GGT5: variants seen among roughly 807,000 people sequenced by gnomAD.
GGT5 encodes the protein gamma-glutamyltransferase 5.
Under a neutral mutation model 58.1 loss-of-function variants are expected in GGT5, and 50 were observed. The ratio of observed to expected loss-of-function variants is 0.86; its 90% confidence interval spans 0.69 to 1.09. The LOEUF (loss-of-function observed/expected upper bound fraction) is 1.09, where lower values mean the gene tolerates loss of function less well. Ranked by LOEUF, GGT5 falls within the 50% of genes least tolerant of loss-of-function variation. The probability of loss-of-function intolerance (pLI) is 0.00; values close to 1 mark genes in which losing one functional copy is unlikely to be tolerated. For synonymous variants in GGT5, 370 were observed against 346.1 expected, an observed-to-expected ratio of 1.07 and a Z score of -0.77; for missense variants, 800 against 789.4, an observed-to-expected ratio of 1.01 and a Z score of -0.16.
Position 24,232,951 on chromosome 22 carries a change from G to A in GGT5, c.468C>T (p.Arg156=). 1 of 1,566,900 alleles carries A rather than the reference G, an allele frequency of 6.4e-7. No homozygotes were observed. Among genetic ancestry groups the A allele is most frequent in the East Asian group, 2.4e-5 (1 of 42,218 alleles). The change falls in exon 4 of 12, where the codon CGC becomes CGT. Residue 156 remains arginine, a synonymous_variant. Coordinates refer to ENST00000327365, the MANE Select transcript of GGT5 (RefSeq NM_004121.5). ...GYAEAHRRHG[R]LPWAQLFQPT... ...GCTGGAACAGCTGCGCCCAGGGCAG[G>A]CGGCCATGGCGGCGGTGGGCCTCGG...
chr22:24,226,579 C>T (rs1017112020), intron 7 of GGT5, 52 bp downstream of exon 7: 24 of 1,598,106 alleles, frequency 1.5e-5, no homozygotes, highest in Non-Finnish European at 2.0e-5. Context: ...ATGCCAAGTC[C>T]TGAGCCAGGG....
Position 24,244,669 on chromosome 22 carries a change from C to A in GGT5, c.57G>T (p.Ala19=), listed in dbSNP as rs780735956. The A allele has an allele frequency of 2.5e-6, 4 of 1,612,800 alleles. No individual in the cohort carries two copies. ...CCACAGCCAGCACAATGACAGCCAG[C>A]GCCAGCCCCAGACCCAGCAGGACTA... ...VSLVLLGLGL[A]LAVIVLAVVL... The change falls in exon 1 of 12, where the codon GCG becomes GCT. Residue 19 remains alanine (A), a synonymous_variant. Coordinates refer to ENST00000327365, the MANE Select transcript of GGT5 (RefSeq NM_004121.5).
intron 10 of GGT5, 55 bp downstream of exon 10, chr22:24,225,186 ACAGT>A (rs1394045000): frequency 1.7e-5 from 27 of 1,590,760 alleles, no homozygotes; most frequent in Non-Finnish European, 2.2e-5. Flanking sequence ...CACTCCAGAG[ACAGT>A]CAGACAGTAT....
Position 24,233,869 on chromosome 22 carries a change from C to A in GGT5, c.304+5G>T. Reference sequence around the variant, plus strand: ...TTCCCCATGGCAGTTCACATGTGGGCCCACCTGTTGTCACATTGTAGATGG... The same window carrying A: ...TTCCCCATGGCAGTTCACATGTGGGACCACCTGTTGTCACATTGTAGATGG... On this transcript the variant is annotated splice_donor_5th_base_variant and intron_variant, in intron 2 of 11. Coordinates refer to ENST00000327365, the MANE Select transcript of GGT5 (RefSeq NM_004121.5). 6.2e-7 allele frequency: 1 copy of A among 1,612,706 alleles called. No individual in the cohort carries two copies. The highest frequency in any genetic ancestry group is 8.5e-7 in the Non-Finnish European group (1 of 1,178,758).
At position 24,232,223 on chromosome 22, in the gene GGT5, GA is replaced by G; in HGVS notation, c.597-16del. On this transcript the variant is annotated splice_polypyrimidine_tract_variant and intron_variant, in intron 4 of 11. Transcript: ENST00000327365. ...AGAAGAGCTGGCTGGGGGGTGGGGG[GA>G]GCCTCAGGGTGGGGCCAGGTCCCAG... 5 of 890,622 alleles carry G rather than the reference GA, an allele frequency of 5.6e-6. No homozygotes were observed. Among genetic ancestry groups the G allele is most frequent in the South Asian group, 1.6e-5 (1 of 64,428 alleles). 55.2% of individuals were successfully genotyped at this position (890,622 alleles called of 1,614,324 possible).
chr22:24,221,254 C>G (rs143768482), intron 11 of GGT5, among the ~76,000 whole-genome samples: 5 of 152,154 alleles, frequency 3.3e-5, no homozygotes, highest in African/African-American at 1.2e-4. Context: ...AGACTGCCTT[C>G]GTAGGACTCA....
intron 1 of GGT5, chr22:24,242,767 T>C (rs2048360084): frequency 6.6e-6 from 1 of 152,246 alleles, no homozygotes; most frequent in African/African-American, 2.4e-5. Flanking sequence ...TTGGCCAGGA[T>C]GACGCTGCAG....
rs1440183889 is a variant in GGT5 at position 24,244,869 on chromosome 22, AGATG to A, written c.-148_-145del. Reference sequence around the variant, plus strand: ...AGGTGGGGGCTGAAGACAGACACGAAGATGGATCGACAGATAGGCCAGATAGCTA... The same window carrying A: ...AGGTGGGGGCTGAAGACAGACACGAAGATCGACAGATAGGCCAGATAGCTA... On this transcript the variant is annotated 5_prime_UTR_variant, in exon 1 of 12. Coordinates refer to ENST00000327365, the MANE Select transcript of GGT5 (RefSeq NM_004121.5). The A allele has an allele frequency of 1.4e-6, 2 of 1,415,412 alleles. No individual in the cohort carries two copies. The highest frequency in any genetic ancestry group is 2.9e-5 in the African/African-American group (2 of 69,476). 87.7% of individuals were successfully genotyped at this position (1,415,412 alleles called of 1,614,324 possible). A position where few individuals can be genotyped will look rare whatever the true frequency, so the allele number is the denominator to read the frequency against.
At chr22:24,232,021 G>C (rs2047956657) in intron 5 of GGT5, 30 bp downstream of exon 5, 1 of 1,594,072 alleles carries the variant, frequency 6.3e-7, no homozygotes, top group African/African-American at 1.3e-5. Flanking sequence ...CTCCAGCAGG[G>C]ATGGGGTATG....
chr22:24,222,233 C>T (rs957566655), intron 11 of GGT5, among the ~76,000 whole-genome samples: 12 of 151,992 alleles, frequency 7.9e-5, no homozygotes, highest in African/African-American at 2.7e-4. Context: ...ACTAATGGCC[C>T]GAGAACCTCA....
chr22:24,244,746 G>C lies in GGT5; in HGVS notation c.-21C>G. 6.3e-7 allele frequency: 1 copy of C among 1,590,258 alleles called. No individual in the cohort carries two copies. The highest frequency in any genetic ancestry group is 8.6e-7 in the Non-Finnish European group (1 of 1,166,566). Reference sequence around the variant, plus strand: ...GCCATGGCTCTGCAGCCCAGGAGGAGAGGGGCGGCTGGTGGGCAGACGGAG... The same window carrying C: ...GCCATGGCTCTGCAGCCCAGGAGGACAGGGGCGGCTGGTGGGCAGACGGAG... On this transcript the variant is annotated 5_prime_UTR_variant, in exon 1 of 12. Transcript: ENST00000327365.
rs140714963 is a variant in GGT5, at chr22:24,243,386, G to A, written c.173+1167C>T. On this transcript the variant is annotated intron_variant, in intron 1 of 11. Transcript: ENST00000327365. ...GTGGGAGGAGACAGAAAGACCTGAA[G>A]AGAAACCAAAGGACCAGGTCAGGAG... 5.2e-5 allele frequency: 8 copies of A among 152,450 alleles called. 1 individual carries two copies. In the East Asian group the frequency reaches 1.5e-3, roughly 29 times the overall value. 9.4% of individuals were successfully genotyped at this position (152,450 alleles called of 1,614,324 possible).
rs948024670 is a variant in GGT5, at chr22:24,230,372, GA to G, written c.901+1011del. ...GACAGATTGAGACTCTGTCTAAAAAGAAAAAAAAAAAAAAGGAAAAAAAGAA... is the reference window on the plus strand; with the variant it reads ...GACAGATTGAGACTCTGTCTAAAAAGAAAAAAAAAAAAAGGAAAAAAAGAA... On this transcript the variant is annotated intron_variant, in intron 6 of 11. Coordinates refer to ENST00000327365, the MANE Select transcript of GGT5 (RefSeq NM_004121.5). 9.9e-3 allele frequency among the ~76,000 whole-genome samples: 768 copies of G among 77,422 alleles called. 1 individual carries two copies. Among genetic ancestry groups the G allele is most frequent in the Middle Eastern group, 0.017 (2 of 116 alleles). The allele number at this position is 77,422 out of a possible 152,430, so 50.8% of individuals were successfully genotyped here.
rs1015208470 is a variant in GGT5, at chr22:24,224,849, C to T, written c.1614+147G>A. 3 of 626,138 alleles carry T rather than the reference C, an allele frequency of 4.8e-6. No homozygotes were observed. The South Asian group carries it at 5.6e-5, about 12-fold the overall frequency. The allele number at this position is 626,138 out of a possible 1,614,324, so 38.8% of individuals were successfully genotyped here. On this transcript the variant is annotated intron_variant, in intron 11 of 11. Transcript: ENST00000327365. The stretch of plus-strand genomic sequence containing the variant: ...GGAGGCCACTGACAGCCTCACCCAT[C>T]AAGGTCCCCAACTCCTATGGCCCCC...
rs2047746193 is a variant in GGT5 at position 24,225,925 on chromosome 22, G to A, written c.1229+151C>T. On this transcript the variant is annotated intron_variant, in intron 8 of 11. Coordinates refer to ENST00000327365, the MANE Select transcript of GGT5 (RefSeq NM_004121.5). Reference sequence around the variant, plus strand: ...CAGCCTTTCCAGCCAGAGATGTCAGGGGTGGGGGCCTCTTTTGAAATAGAG... The same window carrying A: ...CAGCCTTTCCAGCCAGAGATGTCAGAGGTGGGGGCCTCTTTTGAAATAGAG... 5 of 645,966 alleles carry A rather than the reference G, an allele frequency of 7.7e-6. No individual in the cohort carries two copies. The South Asian group carries it at 9.9e-5, about 13-fold the overall frequency. 40.0% of individuals were successfully genotyped at this position (645,966 alleles called of 1,614,324 possible).
intron 11 of GGT5, chr22:24,220,833 A>G: frequency 2.7e-6 from 1 of 368,304 alleles, no homozygotes; most frequent in South Asian, 2.1e-5. Context: ...GGAGTTCAAG[A>G]CCAGCCTGGG....
chr22:24,233,756 G>A (rs2048020015), intron 2 of GGT5, 118 bp downstream of exon 2: 1 of 1,060,104 alleles, frequency 9.4e-7, no homozygotes, highest in Non-Finnish European at 1.4e-6. Context: ...ATGGGGCAGG[G>A]CAGGGGGCCC....
In GGT5 at chr22:24,232,957, A is replaced by C. The variant is rs2047991609; in HGVS notation, c.462T>G (p.His154Gln). Residue 154 changes from histidine to glutamine, a missense_variant, in exon 4 of 12, where the codon CAT becomes CAG. His to Gln is a conservative substitution (Grantham distance 24). Coordinates refer to ENST00000327365, the MANE Select transcript of GGT5 (RefSeq NM_004121.5). The stretch of plus-strand genomic sequence containing the variant: ...ACAGCTGCGCCCAGGGCAGGCGGCC[A>C]TGGCGGCGGTGGGCCTCGGCATAGC... ...LRGYAEAHRR[H>Q]GRLPWAQLFQ... is the part of the protein sequence containing the mutation. 3 of 1,565,958 alleles carry C rather than the reference A, an allele frequency of 1.9e-6. No individual in the cohort carries two copies. The highest frequency in any genetic ancestry group is 4.0e-4 in the Middle Eastern group (2 of 4,948).
At chr22:24,233,473 G>A (rs772376760) in intron 3 of GGT5, 25 bp downstream of exon 3, 2 of 1,401,962 alleles carry the variant, frequency 1.4e-6, no homozygotes, top group African/African-American at 1.4e-5. Flanking sequence ...GGGGGTGGGA[G>A]TGGGGGACCT....
Sources: allele counts gnomAD v4.1 joint callset (sites outside exome capture counted in the v4.1 genomes callset), GRCh38; gene constraint gnomAD v4.1.1; transcripts MANE v1.5; gene names NCBI Gene and HGNC (gene_info 2026-07-23, HGNC 2026-07-21).